Variants in FANCM observed in about 807,000 individuals in gnomAD.
FANCM encodes FA complementation group M.
In FANCM, 140 loss-of-function variants were observed where a neutral mutation model predicts 199.5. That is an observed-to-expected ratio of 0.70 (90% CI 0.61 to 0.81). The LOEUF (loss-of-function observed/expected upper bound fraction) is 0.81, where lower values mean the gene tolerates loss of function less well. Ranked by LOEUF, FANCM falls within the 30% of genes least tolerant of loss-of-function variation. The probability of loss-of-function intolerance (pLI) is 0.00; values close to 1 mark genes in which losing one functional copy is unlikely to be tolerated. For synonymous variants in FANCM, 840 were observed against 836.8 expected (o/e 1.00, Z -0.07); for missense variants, 2,410 against 2,421.4 (o/e 1.00, Z 0.10).
chr14:45,147,907 C>CAA (rs1555360401), intron 3 of FANCM, among the ~76,000 whole-genome samples: 1 of 142,920 alleles, frequency 7.0e-6, no homozygotes, highest in African/African-American at 2.6e-5. Context: ...GCCCCCCCCC[C>CAA]AAAAAAAAAG....
At chr14:45,163,747 C>T (rs916948952) in intron 9 of FANCM, among the ~76,000 whole-genome samples, 18 of 152,262 alleles carry the variant, frequency 1.2e-4, no homozygotes, top group Middle Eastern at 3.4e-3. Context: ...CTGCCCTATT[C>T]CCCTTTCTGT....
rs767987827 is a variant in FANCM at position 45,154,794 on chromosome 14, A to C, written c.1281A>C (p.Ser427=). ...ECMFARTRST[S]ANGISAIQQG... is the part of the protein sequence containing the mutation. ...TGTTTGCACGTACACGTAGTACTTC[A>C]GCAAATGGTATTTCTGCTATCCAAC... is the stretch of plus-strand genomic sequence containing the variant. Residue 427 remains serine (S), a synonymous_variant, in exon 7 of 23, where the codon TCA becomes TCC. Transcript: ENST00000267430. 6.2e-7 allele frequency: 1 copy of C among 1,607,912 alleles called. No individual in the cohort carries two copies. The highest frequency in any genetic ancestry group is 1.1e-5 in the South Asian group (1 of 90,410).
At chr14:45,187,718 A>G in intron 18 of FANCM, 63 bp from the exon 19 acceptor site, 2 of 756,230 alleles carry the variant, frequency 2.6e-6, no homozygotes, top group Non-Finnish European at 4.6e-6. Context: ...TTGAAGTTAA[A>G]TACTTTACTG....
chr14:45,159,271 G>A lies in FANCM; in HGVS notation c.1572G>A (p.Glu524=), dbSNP rs374813200. ...GKSTKGFTQK[E]QLEVVKQFRD... is the part of the protein sequence containing the mutation. ...GCACGAAGGGTTTTACCCAGAAGGA[G>A]CAACTGGAGGTAATTATTTTTGGAA... Residue 524 remains glutamate (E), a synonymous_variant, in exon 9 of 23, where the codon GAG becomes GAA. Coordinates refer to ENST00000267430, the MANE Select transcript of FANCM (RefSeq NM_020937.4). The A allele has an allele frequency of 1.2e-6, 2 of 1,610,526 alleles. No individual in the cohort carries two copies. Among genetic ancestry groups the A allele is most frequent in the African/African-American group, 1.3e-5 (1 of 74,852 alleles).
Position 45,175,956 on chromosome 14 carries a change from G to C in FANCM, c.3202G>C (p.Asp1068His), listed in dbSNP as rs1166564973. 6.2e-7 allele frequency: 1 copy of C among 1,613,484 alleles called. No individual in the cohort carries two copies. ...NYPSEKSCLY[D>H]IPNDNISDEP... ...TCCATCTGAAAAAAGTTGCCTTTAT[G>C]ATATACCTAATGATAATATTTCTGA... Residue 1068 changes from aspartate to histidine, a missense_variant, in exon 14 of 23, where the codon GAT (aspartate) becomes CAT (histidine). Coordinates refer to ENST00000267430, the MANE Select transcript of FANCM (RefSeq NM_020937.4).
intron 3 of FANCM, among the ~76,000 whole-genome samples, chr14:45,148,407 T>C (rs1019485531): frequency 9.2e-5 from 14 of 152,304 alleles, no homozygotes; most frequent in African/African-American, 3.1e-4. Context: ...TTTGGGTACA[T>C]GAAATTTAGT....
chr14:45,200,768 T>C lies in FANCM; in HGVS notation c.*760T>C, dbSNP rs919907395. ...TTTTCCTCTGTTCACTCTGCAGTTC[T>C]CTTGCCTACTGCCATGTGGAAAAGG... On this transcript the variant is annotated 3_prime_UTR_variant, in exon 23 of 23. Coordinates refer to ENST00000267430, the MANE Select transcript of FANCM (RefSeq NM_020937.4). 6.6e-6 allele frequency: 1 copy of C among 152,202 alleles called. No individual in the cohort carries two copies. Among genetic ancestry groups the C allele is most frequent in the African/African-American group, 2.4e-5 (1 of 41,450 alleles). The allele number at this position is 152,202 out of a possible 1,614,324, so 9.4% of individuals were successfully genotyped here.
intron 4 of FANCM, among the ~76,000 whole-genome samples, chr14:45,150,276 T>C (rs1383103749): frequency 6.6e-6 from 1 of 152,226 alleles, no homozygotes; most frequent in African/African-American, 2.4e-5. Flanking sequence ...CTTTTTGTAA[T>C]TGTCTCTTTG....
chr14:45,165,841 T>C, intron 10 of FANCM, among the ~76,000 whole-genome samples: 1 of 152,188 alleles, frequency 6.6e-6, no homozygotes, highest in East Asian at 1.9e-4. Flanking sequence ...AGTATTTACA[T>C]TGTGCTGCGT....
chr14:45,159,130 C>A lies in FANCM; in HGVS notation c.1431C>A (p.Thr477=). The A allele has an allele frequency of 6.2e-7, 1 of 1,611,370 alleles. No homozygotes were observed. The highest frequency in any genetic ancestry group is 2.2e-5 in the East Asian group (1 of 44,836). ...CTACTGAAAAGAAACGTGATGAGAC[C>A]CGAGTTATGATCTTCTCTTCATTTC... is the stretch of plus-strand genomic sequence containing the variant. ...ENTTEKKRDE[T]RVMIFSSFRD... is the part of the protein sequence containing the mutation. The change falls in exon 9 of 23, where the codon ACC becomes ACA. Residue 477 remains threonine, a synonymous_variant. Transcript: ENST00000267430.
chr14:45,166,385 CCTGG>C (rs1887979878), intron 10 of FANCM, among the ~76,000 whole-genome samples: 1 of 152,072 alleles, frequency 6.6e-6, no homozygotes, highest in South Asian at 2.1e-4. Context: ...GATCTGCCCG[CCTGG>C]GCCTCCCAAA....
At chr14:45,160,015 T>G (rs1010318218) in intron 9 of FANCM, among the ~76,000 whole-genome samples, 1 of 150,514 alleles carries the variant, frequency 6.6e-6, no homozygotes, top group African/African-American at 2.4e-5. Context: ...TTTTTTTTTT[T>G]TTTTAGATGG....
At chr14:45,190,593 A>G (rs1889701601) in intron 20 of FANCM, among the ~76,000 whole-genome samples, 1 of 151,900 alleles carries the variant, frequency 6.6e-6, no homozygotes, top group South Asian at 2.1e-4. Flanking sequence ...CTTACTAACC[A>G]CTATTCTGCT....
At chr14:45,199,080 T>A in intron 22 of FANCM, 145 bp downstream of exon 22, 1 of 642,846 alleles carries the variant, frequency 1.6e-6, no homozygotes, top group Non-Finnish European at 2.7e-6. Flanking sequence ...TGCCAACATA[T>A]ATTAGTTACT....
At chr14:45,153,572 G>C (rs1003325447) in intron 5 of FANCM, among the ~76,000 whole-genome samples, 2 of 152,008 alleles carry the variant, frequency 1.3e-5, no homozygotes, top group Non-Finnish European at 2.9e-5. Flanking sequence ...AGTTTTGAAA[G>C]AACAAATATA....
chr14:45,174,212 C>T (rs1478013665), intron 13 of FANCM, among the ~76,000 whole-genome samples: 3 of 151,982 alleles, frequency 2.0e-5, no homozygotes, highest in Admixed American at 1.3e-4. Context: ...TATGAGGAAA[C>T]CCTGTCTGTA....
rs746413513 is a variant in FANCM at position 45,167,197 on chromosome 14, T to C, written c.2002+34T>C. ...ATTTTGCATTTGACACATGCATTTT[T>C]CCCCTGTTCTTACTTAGCAGGTCGT... On this transcript the variant is annotated intron_variant, in intron 11 of 22. Transcript: ENST00000267430. 20 of 1,235,034 alleles carry C rather than the reference T, an allele frequency of 1.6e-5. No homozygotes were observed. In the Middle Eastern group the frequency reaches 5.6e-4, roughly 35 times the overall value. The allele number at this position is 1,235,034 out of a possible 1,614,324, so 76.5% of individuals were successfully genotyped here. A position where few individuals can be genotyped will look rare whatever the true frequency, so the allele number is the denominator to read the frequency against.
intron 17 of FANCM, among the ~76,000 whole-genome samples, chr14:45,184,138 C>T (rs545686821): frequency 6.6e-6 from 1 of 151,804 alleles, no homozygotes; most frequent in South Asian, 2.1e-4. Context: ...TACCAAAAAA[C>T]TCAAGTGTAT....
Position 45,140,616 on chromosome 14 carries a change from C to CTTTTTT in FANCM, c.682-12_682-7dup, listed in dbSNP as rs759364320. 1 of 1,461,474 alleles carries CTTTTTT rather than the reference C, an allele frequency of 6.8e-7. No homozygotes were observed. 90.5% of individuals were successfully genotyped at this position (1,461,474 alleles called of 1,614,324 possible). A position where few individuals can be genotyped will look rare whatever the true frequency, so the allele number is the denominator to read the frequency against. ...GCATTGAACAGATGAAACTAAAGAA[C>CTTTTTT]TTTTTTTTTCTTAAGGTTGTAAGAG... On this transcript the variant is annotated splice_polypyrimidine_tract_variant and intron_variant, in intron 2 of 22. Transcript: ENST00000267430.
Sources: gnomAD v4.1 joint callset for allele counts (sites outside exome capture counted in the v4.1 genomes callset) on GRCh38, gnomAD v4.1.1 for gene constraint, MANE v1.5 for transcripts, NCBI Gene and HGNC (gene_info 2026-07-23, HGNC 2026-07-21) for gene names.